CLEC16A: variants seen among roughly 807,000 people sequenced by gnomAD.
The protein encoded by CLEC16A is protein CLEC16A.
CLEC16A carries 51 observed loss-of-function variants against 109.5 expected under a neutral mutation model. The ratio of observed to expected loss-of-function variants is 0.47; its 90% CI spans 0.37 to 0.59. CLEC16A has a LOEUF of 0.59. Ranked by LOEUF, CLEC16A falls within the 20% of genes least tolerant of loss-of-function variation. The pLI, the probability that CLEC16A is intolerant of heterozygous loss-of-function variation, is 0.00. For missense variants in CLEC16A, 1,339 were observed against 1,394.0 expected, an observed-to-expected ratio of 0.96 and a Z score of 0.63; for synonymous variants, 673 against 564.2, an observed-to-expected ratio of 1.19 and a Z score of -2.73.
At position 11,055,323 on chromosome 16, in the gene CLEC16A, C is replaced by T. The variant is rs1008089193; in HGVS notation, c.1995+3682C>T. Among the ~76,000 whole-genome samples, 3 of 152,164 alleles carry T rather than the reference C, an allele frequency of 2.0e-5. No homozygotes were observed. The East Asian group carries it at 5.8e-4, about 29-fold the overall frequency. ...CCTGCAGATAGAGTGATCGGAAGAG[C>T]TTCTCTGCAGAGTTGACATCTGAGC... On this transcript the variant is annotated intron_variant, in intron 18 of 23. Transcript: ENST00000409790.
At chr16:11,171,751 C>G (rs541864592) in intron 23 of CLEC16A, among the ~76,000 whole-genome samples, 2 of 152,218 alleles carry the variant, frequency 1.3e-5, no homozygotes, top group African/African-American at 2.4e-5. Context: ...CCACTGTGCA[C>G]CCACACAGTG....
intron 10 of CLEC16A, among the ~76,000 whole-genome samples, chr16:10,990,943 C>T (rs1406622669): frequency 6.6e-6 from 1 of 152,138 alleles, no homozygotes; most frequent in Admixed American, 6.5e-5. Flanking sequence ...TTTTGAGTTA[C>T]CTGAAGCCAG....
At chr16:11,026,291 G>A (rs568808421) in intron 13 of CLEC16A, among the ~76,000 whole-genome samples, 120 of 152,256 alleles carry the variant, frequency 7.9e-4, no homozygotes, top group African/African-American at 2.7e-3. Flanking sequence ...TCTGAATATG[G>A]AGTTGTCTTT....
chr16:11,160,411 C>G (rs1163039745), intron 22 of CLEC16A, among the ~76,000 whole-genome samples: 2 of 152,194 alleles, frequency 1.3e-5, no homozygotes, highest in African/African-American at 4.8e-5. Context: ...GGTCCCATCT[C>G]TGGTTTCTAC....
intron 22 of CLEC16A, among the ~76,000 whole-genome samples, chr16:11,158,698 G>GGATCACTTTAGGT (rs1472859897): frequency 6.6e-6 from 1 of 151,896 alleles, no homozygotes. Context: ...CGAGGGAAGA[G>GGATCACTTTAGGT]GATCACTTTA....
At position 11,178,365 on chromosome 16, in the gene CLEC16A, C is replaced by T. The variant is rs1292311882; in HGVS notation, c.2837C>T (p.Pro946Leu). Residue 946 changes from proline to leucine, a missense_variant, in exon 24 of 24, where the codon CCT becomes CTT. Coordinates refer to ENST00000409790, the MANE Select transcript of CLEC16A (RefSeq NM_015226.3). This position sits in a 1 kb window ranked among gnomAD's most constrained non-coding sequence, Gnocchi z 6.5. ...CCCATGAGTCCAGAACTGCCTAAGCCTCACCTTCCTGACCAGTTGGTAATC... is the reference window on the plus strand; with the variant it reads ...CCCATGAGTCCAGAACTGCCTAAGCTTCACCTTCCTGACCAGTTGGTAATC... ...DAPMSPELPK[P>L]HLPDQLVIVN... 1 of 1,613,488 alleles carries T rather than the reference C, an allele frequency of 6.2e-7. No homozygotes were observed. The highest frequency in any genetic ancestry group is 8.5e-7 in the Non-Finnish European group (1 of 1,179,640).
chr16:11,044,552 T>C (rs2047531746), intron 16 of CLEC16A, among the ~76,000 whole-genome samples: 1 of 152,222 alleles, frequency 6.6e-6, no homozygotes, highest in Non-Finnish European at 1.5e-5. Context: ...TTAACGTTTA[T>C]TGAGATTTTG....
At chr16:11,037,563 A>C (rs2047091754) in intron 13 of CLEC16A, among the ~76,000 whole-genome samples, 1 of 152,196 alleles carries the variant, frequency 6.6e-6, no homozygotes, top group Admixed American at 6.5e-5. Context: ...AAGGAGACGG[A>C]GGGGCAATGA....
rs147542784 is a variant in CLEC16A, at chr16:11,058,171, G to A, written c.1996-2731G>A. On this transcript the variant is annotated intron_variant, in intron 18 of 23. Transcript: ENST00000409790. ...CTCCCCGCCCTGTGGGAATCGGCCCGCCTCAGATTCATGGACATGGCTTCT... is the reference window on the plus strand; with the variant it reads ...CTCCCCGCCCTGTGGGAATCGGCCCACCTCAGATTCATGGACATGGCTTCT... Among the ~76,000 whole-genome samples, 1,359 of 152,304 alleles carry A rather than the reference G, an allele frequency of 8.9e-3. 25 individuals are homozygous for A. The highest frequency in any genetic ancestry group is 0.031 in the African/African-American group (1,283 of 41,568).
chr16:11,077,521 G>A (rs1384285076), intron 19 of CLEC16A, among the ~76,000 whole-genome samples: 1 of 151,600 alleles, frequency 6.6e-6, no homozygotes, highest in Non-Finnish European at 1.5e-5. Context: ...GCCAGGCGTA[G>A]TGGCGTGTGC....
At chr16:10,957,687 T>G in intron 1 of CLEC16A, 95 bp from the exon 2 acceptor site, 2 of 1,282,960 alleles carry the variant, frequency 1.6e-6, no homozygotes, top group Non-Finnish European at 2.2e-6. Context: ...GAAAAAGCAT[T>G]GCTGCATTGT....
intron 22 of CLEC16A, among the ~76,000 whole-genome samples, chr16:11,128,223 G>A (rs184299535): frequency 1.3e-4 from 20 of 152,338 alleles, no homozygotes; most frequent in South Asian, 1.2e-3. Context: ...GGAGCCAAGC[G>A]GCCCATTCTT....
At chr16:11,094,395 G>T (rs1567309175) in intron 19 of CLEC16A, among the ~76,000 whole-genome samples, 1 of 152,228 alleles carries the variant, frequency 6.6e-6, no homozygotes, top group Non-Finnish European at 1.5e-5. Flanking sequence ...GCCAGAGCCG[G>T]CTTCATCTAC....
intron 11 of CLEC16A, among the ~76,000 whole-genome samples, chr16:11,004,240 G>A (rs2044852104): frequency 6.6e-6 from 1 of 152,094 alleles, no homozygotes; most frequent in South Asian, 2.1e-4. Context: ...AAGCAGAATG[G>A]AACTGCCCTA....
intron 19 of CLEC16A, among the ~76,000 whole-genome samples, chr16:11,097,739 C>G (rs1017410396): frequency 1.3e-5 from 2 of 152,180 alleles, no homozygotes; most frequent in Non-Finnish European, 2.9e-5. Flanking sequence ...TGGCCTGAAA[C>G]GTCTTGCCCC....
In CLEC16A at chr16:10,969,304, A is replaced by G; in HGVS notation, c.487A>G (p.Asn163Asp). Residue 163 changes from asparagine (N) to aspartate (D), a missense_variant, in exon 4 of 24, where the codon AAT becomes GAT. Asn to Asp is a conservative substitution (Grantham distance 23, BLOSUM62 1). Around this residue, in one of 3 missense-constraint regions of CLEC16A, gnomAD observed 161 missense variants for 267.1 expected, o/e 0.60. Coordinates refer to ENST00000409790, the MANE Select transcript of CLEC16A (RefSeq NM_015226.3). ...CAACCACACTGTCCATTTCTTTTAT[A>G]ATGAGGTAAGTAATTGCCAGAGGGG... ...LNNHTVHFFYNEHTNDFALYT... is the reference protein window; with the variant it reads ...LNNHTVHFFYDEHTNDFALYT... The G allele has an allele frequency of 6.2e-7, 1 of 1,606,742 alleles. No homozygotes were observed. Among genetic ancestry groups the G allele is most frequent in the South Asian group, 1.1e-5 (1 of 89,950 alleles).
intron 19 of CLEC16A, among the ~76,000 whole-genome samples, chr16:11,119,103 C>T (rs569262227): frequency 3.3e-5 from 5 of 152,268 alleles, no homozygotes; most frequent in East Asian, 1.9e-4. Context: ...CAGGTTCAAG[C>T]GATTCTCCAC....
intron 11 of CLEC16A, among the ~76,000 whole-genome samples, chr16:11,006,076 G>A (rs1277484866): frequency 1.3e-5 from 2 of 152,108 alleles, no homozygotes; most frequent in Non-Finnish European, 2.9e-5. Flanking sequence ...TTCCTGGGAA[G>A]CTTGGACAGG....
intron 19 of CLEC16A, among the ~76,000 whole-genome samples, chr16:11,094,614 C>G (rs74385163): frequency 2.0e-3 from 307 of 152,350 alleles, no homozygotes; most frequent in Non-Finnish European, 3.3e-3. Flanking sequence ...TTGTGTGTCT[C>G]TTTTTGCATC....
Sources: allele counts gnomAD v4.1 joint callset (sites outside exome capture counted in the v4.1 genomes callset), GRCh38; gene constraint gnomAD v4.1.1; regional missense constraint gnomAD v4.1.1; non-coding constraint Gnocchi (gnomAD v3.1); transcripts MANE v1.5; gene names NCBI Gene and HGNC (gene_info 2026-07-23, HGNC 2026-07-21).